The following FSIP2 variants were observed in gnomAD, a reference collection of about 807,000 sequenced individuals.
FSIP2 encodes the protein fibrous sheath interacting protein 2.
Under a neutral mutation model 510.5 loss-of-function variants are expected in FSIP2, and 367 were observed. That is an observed-to-expected ratio of 0.72 (90% CI 0.66 to 0.78). The LOEUF (loss-of-function observed/expected upper bound fraction) is 0.78, where lower values mean the gene tolerates loss of function less well. FSIP2 is among the 30% of genes least tolerant of loss of function. FSIP2 has a pLI of 0.00. For missense variants in FSIP2, 7,594 were observed against 7,901.7 expected, an observed-to-expected ratio of 0.96 and a Z score of 1.48; for synonymous variants, 2,601 against 2,732.2, an observed-to-expected ratio of 0.95 and a Z score of 1.50.
chr2:185,802,670 A>G lies in FSIP2; in HGVS notation c.13364A>G (p.Gln4455Arg). 6 of 1,533,626 alleles carry G rather than the reference A, an allele frequency of 3.9e-6. No homozygotes were observed. The highest frequency in any genetic ancestry group is 5.2e-6 in the Non-Finnish European group (6 of 1,145,304). Residue 4455 changes from glutamine (Q) to arginine (R), a missense_variant, in exon 17 of 23, where the codon CAG becomes CGG. Physicochemically the swap from Gln to Arg is conservative, Grantham distance 43 (BLOSUM62 1). Coordinates refer to ENST00000424728, the MANE Select transcript of FSIP2 (RefSeq NM_173651.4). ...ATCAGTAAATCTACTGAGCCAAGCC[A>G]GAGTGTACCTCTATATAACACCTTG... ...SNISKSTEPS[Q>R]SVPLYNTLLP... is the part of the protein sequence containing the mutation.
chr2:185,811,122 G>A (rs546504775), intron 17 of FSIP2, among the ~76,000 whole-genome samples: 1 of 151,984 alleles, frequency 6.6e-6, no homozygotes, highest in African/African-American at 2.4e-5. Context: ...CAGGAGGAAA[G>A]AAATGACTTA....
At position 185,797,131 on chromosome 2, in the gene FSIP2, A is replaced by G. The variant is rs968570637; in HGVS notation, c.9995A>G (p.Asn3332Ser). The change falls in exon 16 of 23, where the codon AAT becomes AGT. Residue 3332 changes from asparagine to serine, a missense_variant. Coordinates refer to ENST00000424728, the MANE Select transcript of FSIP2 (RefSeq NM_173651.4). ...CTCAAAATATGTTTAGCTGCAGAAA[A>G]TATTGTCAATACTGTGCTATCCAGC... ...SPLKICLAAENIVNTVLSSCG... is the reference protein window; with the variant it reads ...SPLKICLAAESIVNTVLSSCG... The G allele has an allele frequency of 2.3e-5, 36 of 1,534,928 alleles. No homozygotes were observed. Among genetic ancestry groups the G allele is most frequent in the Non-Finnish European group, 3.1e-5 (36 of 1,146,278 alleles).
chr2:185,738,277 G>C (rs539216184), upstream of FSIP2: 2 of 301,956 alleles, frequency 6.6e-6, no homozygotes, highest in African/African-American at 4.5e-5. Flanking sequence ...GAGAAAGAGG[G>C]AAATAGGATC....
chr2:185,828,303 T>A, intron 21 of FSIP2, 104 bp downstream of exon 21: 1 of 687,584 alleles, frequency 1.5e-6, no homozygotes, highest in Non-Finnish European at 2.6e-6. Flanking sequence ...ATTTGAAGGA[T>A]ATCAGAAAGC....
At position 185,807,272 on chromosome 2, in the gene FSIP2, A is replaced by C; in HGVS notation, c.17966A>C (p.Lys5989Thr). The change falls in exon 17 of 23, where the codon AAG (lysine) becomes ACG (threonine). Residue 5989 changes from lysine to threonine, a missense_variant. Transcript: ENST00000424728. ...AAGGATGTTGTTAAAAAGGTCCAAAAGTTGGCCCAAACAGCCAGCAAAGAA... is the reference window on the plus strand; with the variant it reads ...AAGGATGTTGTTAAAAAGGTCCAAACGTTGGCCCAAACAGCCAGCAAAGAA... ...ESKDVVKKVQKLAQTASKECQ... is the reference protein window; with the variant it reads ...ESKDVVKKVQTLAQTASKECQ... 1.2e-6 allele frequency: 2 copies of C among 1,612,780 alleles called. No individual in the cohort carries two copies. The highest frequency in any genetic ancestry group is 1.7e-6 in the Non-Finnish European group (2 of 1,179,220).
chr2:185,738,352 C>A, upstream of FSIP2: 1 of 458,888 alleles, frequency 2.2e-6, no homozygotes, highest in Non-Finnish European at 3.9e-6. Flanking sequence ...GAGAAGGAAA[C>A]CTAGGGGACA....
At chr2:185,751,461 C>CTGTGTGTGTG (rs56395901) in intron 7 of FSIP2, among the ~76,000 whole-genome samples, 13,550 of 135,618 alleles carry the variant, frequency 0.1, 753 homozygotes, top group East Asian at 0.18. Flanking sequence ...CTTTATTTTT[C>CTGTGTGTGTG]TGTGTGTGTG....
chr2:185,797,433 G>T lies in FSIP2; in HGVS notation c.10297G>T (p.Ala3433Ser). Residue 3433 changes from alanine (A) to serine (S), a missense_variant, in exon 16 of 23, where the codon GCT (alanine) becomes TCT (serine). Transcript: ENST00000424728. ...GAAGGAAGTTGAAGCCTTTACTTTT[G>T]CTGATCATGAAATGGGTTCCAATGA... ...TVKEVEAFTF[A>S]DHEMGSNEVH... 2 of 1,531,768 alleles carry T rather than the reference G, an allele frequency of 1.3e-6. No homozygotes were observed. Among genetic ancestry groups the T allele is most frequent in the Non-Finnish European group, 1.7e-6 (2 of 1,145,416 alleles). 94.9% of individuals were successfully genotyped at this position (1,531,768 alleles called of 1,614,324 possible). A position where few individuals can be genotyped will look rare whatever the true frequency, so the allele number is the denominator to read the frequency against.
In FSIP2 at chr2:185,739,217, A is replaced by T. The variant is rs951904279; in HGVS notation, c.100-129A>T. 5.2e-6 allele frequency: 6 copies of T among 1,156,318 alleles called. No homozygotes were observed. The African/African-American group carries it at 6.4e-5, about 12-fold the overall frequency. The allele number at this position is 1,156,318 out of a possible 1,614,324, so 71.6% of individuals were successfully genotyped here. On this transcript the variant is annotated intron_variant, in intron 1 of 22. Coordinates refer to ENST00000424728, the MANE Select transcript of FSIP2 (RefSeq NM_173651.4). ...GCTGGTGACCAGGGAAAACGGGAGG[A>T]CTTCAGGATGCCCCGAACCCTGATT...
At chr2:185,779,066 G>GTGTT (rs1374609842) in intron 13 of FSIP2, among the ~76,000 whole-genome samples, 1 of 151,836 alleles carries the variant, frequency 6.6e-6, no homozygotes, top group Admixed American at 6.6e-5. Flanking sequence ...TCTAATCTTA[G>GTGTT]TGTTATTTGT....
At chr2:185,809,182 T>C (rs771622790) in intron 17 of FSIP2, 49 bp downstream of exon 17, 1 of 1,500,142 alleles carries the variant, frequency 6.7e-7, no homozygotes, top group Non-Finnish European at 8.9e-7. Flanking sequence ...TGAGACATGG[T>C]TCTTCTGTGA....
At chr2:185,750,964 A>G (rs1692134897) in intron 7 of FSIP2, among the ~76,000 whole-genome samples, 1 of 151,342 alleles carries the variant, frequency 6.6e-6, no homozygotes, top group South Asian at 2.1e-4. Flanking sequence ...TATTTCCCAA[A>G]TCTTTTTAAA....
intron 5 of FSIP2, among the ~76,000 whole-genome samples, chr2:185,745,966 T>C (rs1427327897): frequency 6.6e-6 from 1 of 152,124 alleles, no homozygotes; most frequent in Non-Finnish European, 1.5e-5. Context: ...TATATAAATA[T>C]GTGCTGTCTA....
chr2:185,768,654 T>G (rs921778636), intron 13 of FSIP2, among the ~76,000 whole-genome samples: 1 of 152,136 alleles, frequency 6.6e-6, no homozygotes, highest in African/African-American at 2.4e-5. Context: ...TTAGGCTGAG[T>G]CATACATGTG....
intron 4 of FSIP2, 124 bp from the exon 5 acceptor site, chr2:185,745,305 C>G: frequency 1.8e-6 from 1 of 543,014 alleles, no homozygotes; most frequent in Non-Finnish European, 2.9e-6. Flanking sequence ...TTAATGGATT[C>G]AAAATAGATG....
intron 3 of FSIP2, among the ~76,000 whole-genome samples, chr2:185,743,566 T>C (rs942300532): frequency 6.6e-6 from 1 of 152,186 alleles, no homozygotes. Flanking sequence ...GATATATTAT[T>C]TTCCCACGTG....
rs944067410 is a variant in FSIP2, at chr2:185,801,822, T to C, written c.12516T>C (p.Ser4172=). Reference sequence around the variant, plus strand: ...TAGGAAAAAAATATTTAATGAGTTCTGATTTTAATGAAATGTCCACTTGTA... The same window carrying C: ...TAGGAAAAAAATATTTAATGAGTTCCGATTTTAATGAAATGTCCACTTGTA... The part of the protein sequence containing the change: ...SSLGKKYLMS[S]DFNEMSTCII... The change falls in exon 17 of 23, where the codon TCT becomes TCC. Residue 4172 remains serine, a synonymous_variant. Coordinates refer to ENST00000424728, the MANE Select transcript of FSIP2 (RefSeq NM_173651.4). The C allele has an allele frequency of 1.3e-6, 2 of 1,486,682 alleles. No homozygotes were observed. Among genetic ancestry groups the C allele is most frequent in the Non-Finnish European group, 1.8e-6 (2 of 1,122,570 alleles). 92.1% of individuals were successfully genotyped at this position (1,486,682 alleles called of 1,614,324 possible).
At position 185,794,225 on chromosome 2, in the gene FSIP2, T is replaced by A; in HGVS notation, c.7089T>A (p.Ile2363=). The A allele has an allele frequency of 4.6e-6, 7 of 1,534,556 alleles. No individual in the cohort carries two copies. The highest frequency in any genetic ancestry group is 6.1e-6 in the Non-Finnish European group (7 of 1,145,826). Residue 2363 remains isoleucine (I), a synonymous_variant, in exon 16 of 23, where the codon ATT becomes ATA. Coordinates refer to ENST00000424728, the MANE Select transcript of FSIP2 (RefSeq NM_173651.4). ...DVIASAILKL[I]KNDLDLEIQK... ...TTGCCAGTGCCATTTTGAAGCTTATTAAAAATGACTTAGACTTAGAAATTC... is the reference window on the plus strand; with the variant it reads ...TTGCCAGTGCCATTTTGAAGCTTATAAAAAATGACTTAGACTTAGAAATTC...
intron 15 of FSIP2, chr2:185,788,074 ACTTT>A (rs1693030973): frequency 6.6e-6 from 1 of 151,680 alleles, no homozygotes. Flanking sequence ...TTAACAATTA[ACTTT>A]AGTCATTCCT....
Sources: gnomAD v4.1 joint callset for allele counts (sites outside exome capture counted in the v4.1 genomes callset) on GRCh38, gnomAD v4.1.1 for gene constraint, MANE v1.5 for transcripts, NCBI Gene and HGNC (gene_info 2026-07-23, HGNC 2026-07-21) for gene names.